Variants in CELF2 observed in about 807,000 individuals in gnomAD.
CELF2 encodes CUG triplet repeat RNA-binding protein 2.
A neutral mutation model predicts 62.6 loss-of-function variants in CELF2; 8 were observed. The ratio of observed to expected loss-of-function variants is 0.13; its 90% CI spans 0.07 to 0.23. The LOEUF (loss-of-function observed/expected upper bound fraction) is 0.23, where lower values mean the gene tolerates loss of function less well. Among genes scored for constraint, CELF2 ranks in the 10% least tolerant of loss-of-function variants. The probability of loss-of-function intolerance (pLI) is 1.00; values close to 1 mark genes in which losing one functional copy is unlikely to be tolerated. For missense variants in CELF2, 333 were observed against 671.0 expected (o/e 0.50, Z 5.56); for synonymous variants, 258 against 250.0 (o/e 1.03, Z -0.30).
intron 5 of CELF2, among the ~76,000 whole-genome samples, chr10:11,258,505 T>TAAC (rs1188068699): frequency 6.6e-6 from 1 of 152,192 alleles, no homozygotes; most frequent in African/African-American, 2.4e-5. Context: ...GCAGAAGCTG[T>TAAC]AGCTCAGAGC....
the CELF2 span, among the ~76,000 whole-genome samples, chr10:10,706,761 A>G: frequency 6.6e-6 from 1 of 152,192 alleles, no homozygotes; most frequent in Non-Finnish European, 1.5e-5. Flanking sequence ...AAAAATACTC[A>G]AATTTCCAGA....
In CELF2 at chr10:10,943,308, T is replaced by C. The variant is rs1157751253; in HGVS notation, c.89+23309T>C. Among the ~76,000 whole-genome samples the C allele has an allele frequency of 3.3e-5, 5 of 152,170 alleles. No homozygotes were observed. The South Asian group carries it at 6.2e-4, about 19-fold the overall frequency. The stretch of plus-strand genomic sequence containing the variant: ...GTTTGGTAAGAGTATCGCTATCAAG[T>C]TGCTACCTGTGAGGGGCAGAACTCC... On this transcript the variant is annotated intron_variant, in intron 2 of 13. Transcript: ENST00000636488.
intron 1 of CELF2, among the ~76,000 whole-genome samples, chr10:10,879,028 C>G (rs1364538615): frequency 6.6e-6 from 1 of 152,178 alleles, no homozygotes; most frequent in Non-Finnish European, 1.5e-5. Flanking sequence ...CCGGGATGCA[C>G]AAGGGGCCAT....
At chr10:11,317,929 A>G (rs1238082076) in intron 10 of CELF2, 1 of 152,194 alleles carries the variant, frequency 6.6e-6, no homozygotes, top group Non-Finnish European at 1.5e-5. Flanking sequence ...AATGGAGATG[A>G]TAATAATAAT....
At chr10:10,625,491 A>G in the CELF2 span, among the ~76,000 whole-genome samples, 1 of 151,434 alleles carries the variant, frequency 6.6e-6, no homozygotes, top group Non-Finnish European at 1.5e-5. Context: ...TTCGTGGAAC[A>G]AAAGCCTCAT....
chr10:10,984,696 GA>G (rs986166552), intron 2 of CELF2, among the ~76,000 whole-genome samples: 1 of 152,102 alleles, frequency 6.6e-6, no homozygotes, highest in Non-Finnish European at 1.5e-5. Context: ...TTTCATTACA[GA>G]ATGACTCTCT....
chr10:10,462,852 CT>C, the CELF2 span, among the ~76,000 whole-genome samples: 1 of 152,020 alleles, frequency 6.6e-6, no homozygotes, highest in Non-Finnish European at 1.5e-5. Context: ...TGCAACAGGG[CT>C]AAGATTGTCG....
intron 1 of CELF2, among the ~76,000 whole-genome samples, chr10:10,846,661 C>T (rs951904204): frequency 6.6e-6 from 1 of 152,164 alleles, no homozygotes; most frequent in Non-Finnish European, 1.5e-5. Context: ...TGGAATGGCT[C>T]AGATCTGTAA....
At chr10:10,767,795 G>A in the CELF2 span, among the ~76,000 whole-genome samples, 2 of 152,122 alleles carry the variant, frequency 1.3e-5, no homozygotes, top group Non-Finnish European at 2.9e-5. Flanking sequence ...AGGAGATGGA[G>A]ACCATCCTGG....
chr10:10,543,758 T>TCAACAACAA, the CELF2 span, among the ~76,000 whole-genome samples: 60,822 of 151,056 alleles, frequency 0.4, 12,999 homozygotes, highest in South Asian at 0.54. Context: ...AAACTCCATT[T>TCAACAACAA]CAACAACAAC....
chr10:10,966,957 T>A (rs1271480737), intron 2 of CELF2, among the ~76,000 whole-genome samples: 5 of 152,234 alleles, frequency 3.3e-5, no homozygotes, highest in Non-Finnish European at 7.3e-5. Flanking sequence ...AATGCCTGAA[T>A]GGATTTCATT....
At chr10:11,067,166 A>G (rs1350701897) in intron 1 of CELF2, among the ~76,000 whole-genome samples, 2 of 152,200 alleles carry the variant, frequency 1.3e-5, no homozygotes, top group African/African-American at 4.8e-5. Context: ...CTCAGCTTGT[A>G]ATAGAAATGT....
the CELF2 span, among the ~76,000 whole-genome samples, chr10:10,565,272 A>G: frequency 6.6e-6 from 1 of 152,224 alleles, no homozygotes; most frequent in Non-Finnish European, 1.5e-5. Context: ...TTTCCAGAAA[A>G]TGTTAAGAGC....
At chr10:10,813,848 A>T (rs1242366315) in intron 1 of CELF2, among the ~76,000 whole-genome samples, 2 of 152,190 alleles carry the variant, frequency 1.3e-5, no homozygotes, top group Non-Finnish European at 2.9e-5. Context: ...GATCCACGAT[A>T]ACTTGGACAG....
the CELF2 span, among the ~76,000 whole-genome samples, chr10:10,701,717 G>C: frequency 6.6e-6 from 1 of 152,210 alleles, no homozygotes; most frequent in Non-Finnish European, 1.5e-5. Context: ...TCGCCCATAG[G>C]CGAGATGGGT....
At chr10:10,976,396 C>T (rs2051340914) in intron 2 of CELF2, among the ~76,000 whole-genome samples, 2 of 152,130 alleles carry the variant, frequency 1.3e-5, no homozygotes, top group African/African-American at 4.8e-5. Flanking sequence ...CTACAGGGCT[C>T]TGTTGTAGAC....
At chr10:10,898,322 A>G (rs534122239) in intron 1 of CELF2, among the ~76,000 whole-genome samples, 2 of 152,340 alleles carry the variant, frequency 1.3e-5, no homozygotes, top group Admixed American at 6.5e-5. Context: ...CAGAGGGAGC[A>G]TGCATAGGCC....
intron 1 of CELF2, among the ~76,000 whole-genome samples, chr10:10,857,190 C>A (rs2133002380): frequency 6.6e-6 from 1 of 152,254 alleles, no homozygotes; most frequent in East Asian, 1.9e-4. Flanking sequence ...TGGTCGTTGA[C>A]TGACTGCTAA....
the CELF2 span, among the ~76,000 whole-genome samples, chr10:10,766,571 C>T: frequency 2.0e-5 from 3 of 152,160 alleles, no homozygotes; most frequent in Non-Finnish European, 4.4e-5. Context: ...GTGTCAGCCT[C>T]GGTCTCCACT....
Sources: allele counts gnomAD v4.1 joint callset (sites outside exome capture counted in the v4.1 genomes callset), GRCh38; gene constraint gnomAD v4.1.1; transcripts MANE v1.5; gene names NCBI Gene and HGNC (gene_info 2026-07-23, HGNC 2026-07-21).